The following MYCBP2 variants were observed in gnomAD, a reference collection of about 807,000 sequenced individuals.
MYCBP2 encodes the protein MYC binding protein 2.
Under a neutral mutation model 525.3 loss-of-function variants are expected in MYCBP2, and 120 were observed. The observed-to-expected ratio is 0.23, with a 90% CI of 0.20 to 0.27. MYCBP2 has a LOEUF of 0.27. Ranked by LOEUF, MYCBP2 falls within the 10% of genes least tolerant of loss-of-function variation. MYCBP2 has a pLI of 1.00. For synonymous variants in MYCBP2, 1,894 were observed against 1,955.8 expected, an observed-to-expected ratio of 0.97 and a Z score of 0.83; for missense variants, 4,149 against 5,657.1, an observed-to-expected ratio of 0.73 and a Z score of 8.55.
At chr13:77,168,322 T>C (rs1471753849) in intron 40 of MYCBP2, 106 bp downstream of exon 40, 3 of 868,968 alleles carry the variant, frequency 3.5e-6, no homozygotes, top group South Asian at 1.7e-5. Context: ...GTAAATACTA[T>C]AAAAGAAAAT....
intron 47 of MYCBP2, among the ~76,000 whole-genome samples, chr13:77,150,512 T>C (rs1482040214): frequency 6.6e-6 from 1 of 152,160 alleles, no homozygotes; most frequent in Non-Finnish European, 1.5e-5. Context: ...TTCGATTAAC[T>C]TGATCTGTAA....
intron 14 of MYCBP2, among the ~76,000 whole-genome samples, chr13:77,253,191 G>T (rs1228302862): frequency 2.6e-5 from 4 of 151,870 alleles, no homozygotes; most frequent in Non-Finnish European, 5.9e-5. Flanking sequence ...AGTTTGAAGA[G>T]ATGTTCAAAC....
intron 52 of MYCBP2, among the ~76,000 whole-genome samples, chr13:77,134,555 C>T (rs2053438035): frequency 1.4e-5 from 2 of 148,132 alleles, no homozygotes; most frequent in South Asian, 4.3e-4. Context: ...AAACAAAAAA[C>T]AAAACAAAAA....
chr13:77,264,014 A>T lies in MYCBP2; in HGVS notation c.1358-12T>A. On this transcript the variant is annotated splice_polypyrimidine_tract_variant and intron_variant, in intron 8 of 82. Coordinates refer to ENST00000544440, the MANE Select transcript of MYCBP2 (RefSeq NM_015057.5). ...TTCAGTGTGGCAATCTGTGCAAAAG[A>T]AAAAGTATTTATATTACAATACAAG... 1 of 1,607,610 alleles carries T rather than the reference A, an allele frequency of 6.2e-7. No individual in the cohort carries two copies. Among genetic ancestry groups the T allele is most frequent in the Non-Finnish European group, 8.5e-7 (1 of 1,175,582 alleles).
At position 77,058,312 on chromosome 13, in the gene MYCBP2, C is replaced by A; in HGVS notation, c.13235G>T (p.Gly4412Val). The A allele has an allele frequency of 6.2e-7, 1 of 1,614,150 alleles. No homozygotes were observed. The highest frequency in any genetic ancestry group is 8.5e-7 in the Non-Finnish European group (1 of 1,180,026). ...CAGGCTTGTGGCACTTTTGTCACAG[C>A]CGTGTAGACAGGGCAGACAGTGCTC... ...NEEHCLPCLH[G>V]CDKSATSLKQ... Residue 4412 changes from glycine (G) to valine (V), a missense_variant, in exon 78 of 83, where the codon GGC becomes GTC. Transcript: ENST00000544440. This position sits in a 1 kb window ranked among gnomAD's most constrained non-coding sequence, Gnocchi z 4.1.
intron 55 of MYCBP2, among the ~76,000 whole-genome samples, chr13:77,108,180 T>C (rs992627600): frequency 2.0e-5 from 3 of 152,126 alleles, no homozygotes; most frequent in Admixed American, 6.6e-5. Context: ...ATGGGACACA[T>C]AAAGTGGATT....
intron 32 of MYCBP2, among the ~76,000 whole-genome samples, chr13:77,182,693 A>C (rs1246661264): frequency 6.6e-6 from 1 of 152,240 alleles, no homozygotes; most frequent in African/African-American, 2.4e-5. Context: ...GTGGTAAAAC[A>C]TACTACTCTG....
intron 45 of MYCBP2, among the ~76,000 whole-genome samples, chr13:77,157,709 C>T (rs1212217665): frequency 6.6e-6 from 1 of 151,958 alleles, no homozygotes; most frequent in Non-Finnish European, 1.5e-5. Flanking sequence ...GAGATCATGC[C>T]ACTGCACTCC....
At chr13:77,066,131 T>C (rs1212999206) in intron 71 of MYCBP2, 43 bp from the exon 72 acceptor site, 3 of 1,290,666 alleles carry the variant, frequency 2.3e-6, no homozygotes, top group African/African-American at 1.5e-5. Flanking sequence ...AAATTATCAG[T>C]AGTAGTAACA....
Position 77,156,885 on chromosome 13 carries a change from T to C in MYCBP2, c.6771-683A>G, listed in dbSNP as rs1017250582. Among the ~76,000 whole-genome samples the C allele has an allele frequency of 7.9e-5, 12 of 152,224 alleles. 2 individuals are homozygous for C. The highest frequency in any genetic ancestry group is 4.6e-4 in the Admixed American group (7 of 15,272). ...AGTAGTGAGGCTGACTTAAGTGATT[T>C]GACATTCCTCTCCAATCACTATTTT... is the stretch of plus-strand genomic sequence containing the variant. On this transcript the variant is annotated intron_variant, in intron 45 of 82. Coordinates refer to ENST00000544440, the MANE Select transcript of MYCBP2 (RefSeq NM_015057.5).
chr13:77,177,334 CTTTTTTT>C (rs748460042), intron 35 of MYCBP2, among the ~76,000 whole-genome samples: 2 of 122,898 alleles, frequency 1.6e-5, no homozygotes, highest in African/African-American at 3.1e-5. Flanking sequence ...TCTTTTCTTT[CTTTTTTT>C]TTTTTTTTTT....
In MYCBP2 at chr13:77,152,925, C is replaced by T. The variant is rs973516171; in HGVS notation, c.6916-1976G>A. Reference sequence around the variant, plus strand: ...CTAAAAATACAAAAAATTAGCCAGGCGTGGTGGCGGGTGCCTGTAGTCTCA... The same window carrying T: ...CTAAAAATACAAAAAATTAGCCAGGTGTGGTGGCGGGTGCCTGTAGTCTCA... On this transcript the variant is annotated intron_variant, in intron 46 of 82. Transcript: ENST00000544440. Among the ~76,000 whole-genome samples the T allele has an allele frequency of 3.3e-5, 5 of 151,996 alleles. No homozygotes were observed. The East Asian group carries it at 9.7e-4, about 29-fold the overall frequency.
intron 52 of MYCBP2, among the ~76,000 whole-genome samples, chr13:77,130,420 G>C (rs992308540): frequency 1.3e-5 from 2 of 150,530 alleles, no homozygotes; most frequent in Admixed American, 1.3e-4. Flanking sequence ...TATATATATG[G>C]ATATATACAT....
At chr13:77,296,398 AG>A (rs1411085312) in intron 2 of MYCBP2, among the ~76,000 whole-genome samples, 200 bp downstream of exon 2, 7 of 152,132 alleles carry the variant, frequency 4.6e-5, no homozygotes, top group Admixed American at 4.6e-4. Context: ...GTTTCAAAAA[AG>A]AAAAAAAAAA....
At chr13:77,048,788 T>TTG (rs1160517461) in intron 82 of MYCBP2, among the ~76,000 whole-genome samples, 1 of 152,174 alleles carries the variant, frequency 6.6e-6, no homozygotes, top group Non-Finnish European at 1.5e-5. Flanking sequence ...TGTGATTCCT[T>TTG]TGTGTTGGCT....
intron 26 of MYCBP2, among the ~76,000 whole-genome samples, chr13:77,201,449 C>CTT (rs1224777474): frequency 6.6e-6 from 1 of 151,860 alleles, no homozygotes; most frequent in Non-Finnish European, 1.5e-5. Flanking sequence ...TAAAGGGAGA[C>CTT]TTTAACACCC....
chr13:77,211,404 A>C, intron 22 of MYCBP2, 84 bp from the exon 23 acceptor site: 2 of 669,864 alleles, frequency 3.0e-6, no homozygotes, highest in Non-Finnish European at 2.0e-6. Context: ...TATTATCTCC[A>C]TTTCTCAGGT....
chr13:77,155,164 T>C (rs1242933910), intron 46 of MYCBP2, among the ~76,000 whole-genome samples: 2 of 152,150 alleles, frequency 1.3e-5, no homozygotes, highest in Non-Finnish European at 2.9e-5. Context: ...TTTTATTTAC[T>C]GGTCTTAAGT....
intron 57 of MYCBP2, 25 bp downstream of exon 57, chr13:77,096,287 T>C: frequency 6.2e-7 from 1 of 1,609,900 alleles, no homozygotes; most frequent in Non-Finnish European, 8.5e-7. Flanking sequence ...TCATTAAAAG[T>C]ATAGCTCCAA....
Sources: allele counts gnomAD v4.1 joint callset (sites outside exome capture counted in the v4.1 genomes callset), GRCh38; gene constraint gnomAD v4.1.1; non-coding constraint Gnocchi (gnomAD v3.1); transcripts MANE v1.5; gene names NCBI Gene and HGNC (gene_info 2026-07-23, HGNC 2026-07-21).